Variants in ITK observed in about 807,000 individuals in gnomAD.
ITK encodes the protein IL2 inducible T cell kinase, also known as tyrosine-protein kinase ITK/TSK.
In ITK, 45 loss-of-function variants were observed where a neutral mutation model predicts 87.6. The ratio of observed to expected loss-of-function variants is 0.51; its 90% CI spans 0.40 to 0.66. ITK has a LOEUF of 0.66. ITK is among the 30% of genes least tolerant of loss of function. The probability of loss-of-function intolerance (pLI) is 0.00; values close to 1 mark genes in which losing one functional copy is unlikely to be tolerated. For missense variants in ITK, 605 were observed against 766.3 expected (o/e 0.79, Z 2.48); for synonymous variants, 303 against 273.6 (o/e 1.11, Z -1.06).
chr5:157,182,217 G>A (rs369122660), intron 1 of ITK, among the ~76,000 whole-genome samples: 24 of 152,220 alleles, frequency 1.6e-4, no homozygotes, highest in African/African-American at 5.8e-4. Flanking sequence ...ATAATATTAG[G>A]TGCCTGATGG....
At chr5:157,252,319 A>C (rs1254781642) in intron 16 of ITK, among the ~76,000 whole-genome samples, 3 of 152,216 alleles carry the variant, frequency 2.0e-5, no homozygotes, top group African/African-American at 7.2e-5. Flanking sequence ...TGAGGTAGAT[A>C]CTATTATTAT....
At chr5:157,232,711 G>A (rs13181664) in intron 8 of ITK, among the ~76,000 whole-genome samples, 2,488 of 152,318 alleles carry the variant, frequency 0.016, 28 homozygotes, top group Non-Finnish European at 0.027. Flanking sequence ...TTGGATTAAC[G>A]ATAGTTTTCA....
intron 1 of ITK, among the ~76,000 whole-genome samples, chr5:157,203,722 A>T (rs550887901): frequency 9.2e-4 from 140 of 152,344 alleles, no homozygotes; most frequent in African/African-American, 3.3e-3. Flanking sequence ...CAGAGCTTGC[A>T]TTTCTAACAG....
At chr5:157,186,906 G>A (rs1753656263) in intron 1 of ITK, among the ~76,000 whole-genome samples, 1 of 152,188 alleles carries the variant, frequency 6.6e-6, no homozygotes, top group Non-Finnish European at 1.5e-5. Flanking sequence ...ACATGTGACT[G>A]TAGTCAAGTC....
intron 5 of ITK, among the ~76,000 whole-genome samples, chr5:157,218,247 G>A (rs907287553): frequency 1.3e-5 from 2 of 152,164 alleles, no homozygotes; most frequent in Admixed American, 6.5e-5. Context: ...GCTCACGTCT[G>A]TAATCCCAGC....
chr5:157,245,934 A>C lies in ITK; in HGVS notation c.1568A>C (p.Lys523Thr). 1 of 1,614,202 alleles carries C rather than the reference A, an allele frequency of 6.2e-7. No homozygotes were observed. The highest frequency in any genetic ancestry group is 2.2e-5 in the East Asian group (1 of 44,882). Residue 523 changes from lysine (K) to threonine (T), a missense_variant, in exon 15 of 17, where the codon AAG becomes ACG. Around this residue, in one of 3 missense-constraint regions of ITK, gnomAD observed 70 missense variants for 122.5 expected, o/e 0.57. Transcript: ENST00000422843. ...TCCACAGGCACCAAATTCCCGGTGA[A>C]GTGGGCATCCCCAGAGGTTTTCTCT... is the stretch of plus-strand genomic sequence containing the variant. The part of the protein sequence containing the change: ...TSSTGTKFPV[K>T]WASPEVFSFS...
chr5:157,237,128 G>A (rs924262478), intron 8 of ITK, among the ~76,000 whole-genome samples: 2 of 152,186 alleles, frequency 1.3e-5, no homozygotes, highest in Admixed American at 1.3e-4. Flanking sequence ...TAATAGCAAA[G>A]ACATGGAATC....
intron 16 of ITK, among the ~76,000 whole-genome samples, chr5:157,252,177 A>AT (rs1304683115): frequency 1.3e-5 from 2 of 151,924 alleles, no homozygotes; most frequent in Non-Finnish European, 2.9e-5. Flanking sequence ...AGAATTTTTA[A>AT]TTTTTTCTCA....
At position 157,243,612 on chromosome 5, in the gene ITK, C is replaced by G. The variant is rs1479207559; in HGVS notation, c.1061-11C>G. 1 of 1,611,870 alleles carries G rather than the reference C, an allele frequency of 6.2e-7. No homozygotes were observed. Among genetic ancestry groups the G allele is most frequent in the Non-Finnish European group, 8.5e-7 (1 of 1,179,590 alleles). On this transcript the variant is annotated splice_polypyrimidine_tract_variant and intron_variant, in intron 11 of 16. Transcript: ENST00000422843. Reference sequence around the variant, plus strand: ...TTGCTGACCCCAGAGAACTCTCTCTCTCTCTTCCAGGGAAATGGGTGATCG... The same window carrying G: ...TTGCTGACCCCAGAGAACTCTCTCTGTCTCTTCCAGGGAAATGGGTGATCG...
intron 6 of ITK, among the ~76,000 whole-genome samples, chr5:157,227,246 G>A (rs1754550301): frequency 6.6e-6 from 1 of 152,206 alleles, no homozygotes; most frequent in Non-Finnish European, 1.5e-5. Context: ...TAGAAGGGAT[G>A]CCGCTTTCAC....
chr5:157,249,192 G>A (rs979474795), intron 16 of ITK, among the ~76,000 whole-genome samples, 185 bp downstream of exon 16: 4 of 152,224 alleles, frequency 2.6e-5, no homozygotes, highest in Non-Finnish European at 4.4e-5. Flanking sequence ...AGCTGAAGGC[G>A]ACCTTAAATA....
intron 8 of ITK, among the ~76,000 whole-genome samples, chr5:157,236,366 C>T (rs1485042130): frequency 1.4e-5 from 2 of 141,616 alleles, no homozygotes; most frequent in Admixed American, 1.4e-4. Flanking sequence ...CAGAATGAGA[C>T]TCCATCTTAA....
intron 10 of ITK, chr5:157,240,897 G>GCTTTT (rs892800710): frequency 9.2e-5 from 14 of 152,300 alleles, no homozygotes; most frequent in Non-Finnish European, 1.6e-4. Context: ...CCAACATAGG[G>GCTTTT]CTTTTCTTTT....
intron 1 of ITK, among the ~76,000 whole-genome samples, chr5:157,202,387 T>A (rs1245768408): frequency 6.6e-6 from 1 of 152,144 alleles, no homozygotes; most frequent in Non-Finnish European, 1.5e-5. Context: ...CTAATTTTTA[T>A]ATTTTTAGTA....
At chr5:157,197,808 G>T (rs1245041693) in intron 1 of ITK, among the ~76,000 whole-genome samples, 1 of 152,118 alleles carries the variant, frequency 6.6e-6, no homozygotes, top group Non-Finnish European at 1.5e-5. Context: ...TTTGTCTATT[G>T]ATGGATATTT....
chr5:157,247,047 T>C (rs561228553), intron 15 of ITK, among the ~76,000 whole-genome samples: 19 of 152,186 alleles, frequency 1.2e-4, no homozygotes, highest in Non-Finnish European at 2.2e-4. Flanking sequence ...ACAAGAATTA[T>C]ACTGTGGACA....
At chr5:157,205,121 T>C (rs1754054404) in intron 1 of ITK, among the ~76,000 whole-genome samples, 1 of 152,210 alleles carries the variant, frequency 6.6e-6, no homozygotes, top group African/African-American at 2.4e-5. Context: ...ATACCCTTTA[T>C]TGAGGGCATC....
chr5:157,240,448 A>C, intron 10 of ITK: 2 of 535,460 alleles, frequency 3.7e-6, no homozygotes, highest in African/African-American at 3.8e-5. Flanking sequence ...CCATGGATAA[A>C]CTGTCTTCCA....
chr5:157,217,175 T>C (rs896731146), intron 4 of ITK, among the ~76,000 whole-genome samples: 13 of 144,944 alleles, frequency 9.0e-5, no homozygotes, highest in Admixed American at 8.3e-4. Context: ...TATGAAGAGA[T>C]GAGAGGAAGG....
Sources: gnomAD v4.1 joint callset for allele counts (sites outside exome capture counted in the v4.1 genomes callset) on GRCh38, gnomAD v4.1.1 for gene constraint, gnomAD v4.1.1 regional missense constraint, MANE v1.5 for transcripts, NCBI Gene and HGNC (gene_info 2026-07-23, HGNC 2026-07-21) for gene names.